The following PTPRJ variants were observed in gnomAD, a reference collection of about 807,000 sequenced individuals.
PTPRJ encodes receptor-type tyrosine-protein phosphatase eta.
In PTPRJ, 129 loss-of-function variants were observed where a neutral mutation model predicts 141.3. That is an observed-to-expected ratio of 0.91 (90% CI 0.79 to 1.06). PTPRJ has a LOEUF of 1.06. Among genes scored for constraint, PTPRJ ranks in the 50% least tolerant of loss-of-function variants. PTPRJ has a pLI of 0.00. For missense variants in PTPRJ, 1,601 were observed against 1,679.7 expected, an observed-to-expected ratio of 0.95 and a Z score of 0.82; for synonymous variants, 610 against 640.5, an observed-to-expected ratio of 0.95 and a Z score of 0.72.
At position 47,980,694 on chromosome 11, in the gene PTPRJ, C is replaced by A. The variant is rs1266322766; in HGVS notation, c.-219C>A. The A allele has an allele frequency of 7.1e-6, 7 of 991,716 alleles. No homozygotes were observed. Among genetic ancestry groups the A allele is most frequent in the South Asian group, 4.7e-5 (1 of 21,406 alleles). 61.4% of individuals were successfully genotyped at this position (991,716 alleles called of 1,614,324 possible). ...TGCGCGCTCAGGGACGCGGCCCCCCCGCGGCAGCCGCGCTAGGCTCCGGCG... is the reference window on the plus strand; with the variant it reads ...TGCGCGCTCAGGGACGCGGCCCCCCAGCGGCAGCCGCGCTAGGCTCCGGCG... On this transcript the variant is annotated 5_prime_UTR_variant, in exon 1 of 25. Transcript: ENST00000418331.
At chr11:48,115,892 G>A (rs969546517) in intron 3 of PTPRJ, among the ~76,000 whole-genome samples, 3 of 151,982 alleles carry the variant, frequency 2.0e-5, no homozygotes, top group Non-Finnish European at 4.4e-5. Flanking sequence ...CTTTTTATAA[G>A]CCTCATGGTA....
At position 48,169,482 on chromosome 11, in the gene PTPRJ, A is replaced by G. The variant is rs1858004633; in HGVS notation, c.*2120A>G. ...GGGCGGATTCCTCCCACACCTTCAC[A>G]CTGGCCTGCCTCCAACTCATACAGA... On this transcript the variant is annotated 3_prime_UTR_variant, in exon 25 of 25. Transcript: ENST00000418331. 2 of 151,402 alleles carry G rather than the reference A, an allele frequency of 1.3e-5. No homozygotes were observed. The highest frequency in any genetic ancestry group is 4.2e-4 in the South Asian group (2 of 4,762). The allele number at this position is 151,402 out of a possible 1,614,324, so 9.4% of individuals were successfully genotyped here.
intron 1 of PTPRJ, among the ~76,000 whole-genome samples, chr11:48,076,273 C>T (rs1855399105): frequency 6.6e-6 from 1 of 152,178 alleles, no homozygotes; most frequent in Non-Finnish European, 1.5e-5. Flanking sequence ...TGGTGTCTTA[C>T]CTCTTCTGTT....
At chr11:48,066,259 G>T (rs144714773) in intron 1 of PTPRJ, among the ~76,000 whole-genome samples, 27 of 152,352 alleles carry the variant, frequency 1.8e-4, no homozygotes, top group Admixed American at 1.7e-3. Flanking sequence ...CCAGTGCTCT[G>T]AGATAGACTG....
intron 1 of PTPRJ, among the ~76,000 whole-genome samples, chr11:48,029,555 T>C (rs2134222884): frequency 6.6e-6 from 1 of 152,330 alleles, no homozygotes; most frequent in African/African-American, 2.4e-5. Context: ...ACTTAACTCA[T>C]ATTATTGTTA....
intron 1 of PTPRJ, among the ~76,000 whole-genome samples, chr11:48,033,006 C>T (rs1327393212): frequency 6.6e-6 from 1 of 151,740 alleles, no homozygotes; most frequent in Non-Finnish European, 1.5e-5. Context: ...TCACTTGAGC[C>T]CAGAAGTTCA....
intron 1 of PTPRJ, among the ~76,000 whole-genome samples, chr11:48,061,929 T>C (rs1854941654): frequency 6.7e-6 from 1 of 150,214 alleles, no homozygotes; most frequent in Admixed American, 6.6e-5. Context: ...TTTTTTTTTT[T>C]CTTTTGAGTC....
chr11:47,987,149 C>G (rs915838471), intron 1 of PTPRJ, among the ~76,000 whole-genome samples: 1 of 151,970 alleles, frequency 6.6e-6, no homozygotes, highest in East Asian at 1.9e-4. Context: ...GTTGAAGCTG[C>G]GGTGAACCTT....
chr11:48,067,491 G>A (rs1855117837), intron 1 of PTPRJ, among the ~76,000 whole-genome samples: 1 of 152,136 alleles, frequency 6.6e-6, no homozygotes, highest in Non-Finnish European at 1.5e-5. Flanking sequence ...GGCAGGGAAG[G>A]GCCCTCTGAC....
At chr11:47,999,252 C>T (rs1446687706) in intron 1 of PTPRJ, among the ~76,000 whole-genome samples, 2 of 152,224 alleles carry the variant, frequency 1.3e-5, no homozygotes, top group African/African-American at 4.8e-5. Flanking sequence ...TGTTTATTTG[C>T]TGTCTTTGGC....
chr11:48,057,398 A>G (rs186475748), intron 1 of PTPRJ, among the ~76,000 whole-genome samples: 94 of 152,330 alleles, frequency 6.2e-4, no homozygotes, highest in African/African-American at 2.2e-3. Flanking sequence ...AGTGTAAAGA[A>G]GGTGGAGATG....
rs368643460 is a variant in PTPRJ at position 48,156,077 on chromosome 11, A to G, written c.3396A>G (p.Val1132=). The part of the protein sequence containing the change: ...DFWRMVWEKN[V]YAIIMLTKCV... ...GGCGTATGGTTTGGGAGAAAAATGT[A>G]TATGCCATCATTATGTTGACTAAAT... Residue 1132 remains valine, a synonymous_variant, in exon 21 of 25, where the codon GTA becomes GTG. Transcript: ENST00000418331. 43 of 1,598,664 alleles carry G rather than the reference A, an allele frequency of 2.7e-5. No individual in the cohort carries two copies. Among genetic ancestry groups the G allele is most frequent in the African/African-American group, 9.4e-5 (7 of 74,544 alleles).
chr11:48,122,003 G>A (rs969852572), intron 4 of PTPRJ, among the ~76,000 whole-genome samples: 1 of 152,120 alleles, frequency 6.6e-6, no homozygotes, highest in African/African-American at 2.4e-5. Context: ...GAGGTCCAGC[G>A]TGGAGCAGCA....
At chr11:48,102,182 C>A (rs1280776406) in intron 1 of PTPRJ, among the ~76,000 whole-genome samples, 1 of 152,154 alleles carries the variant, frequency 6.6e-6, no homozygotes, top group East Asian at 1.9e-4. Flanking sequence ...TTCGCATGCT[C>A]ATGTTTGATA....
At chr11:48,134,569 C>T (rs1406403839) in intron 8 of PTPRJ, among the ~76,000 whole-genome samples, 11 of 152,140 alleles carry the variant, frequency 7.2e-5, no homozygotes, top group East Asian at 1.9e-4. Context: ...GTAGATAGTA[C>T]GTAAACATGG....
At chr11:48,146,153 G>A (rs1434470157) in intron 14 of PTPRJ, among the ~76,000 whole-genome samples, 1 of 152,194 alleles carries the variant, frequency 6.6e-6, no homozygotes, top group African/African-American at 2.4e-5. Context: ...TTGGAAGTGA[G>A]ACTTTTAAGG....
chr11:48,110,185 G>T, intron 2 of PTPRJ, 109 bp downstream of exon 2: 4 of 1,233,078 alleles, frequency 3.2e-6, no homozygotes, highest in African/African-American at 1.5e-5. Context: ...AACCTGCTCG[G>T]TTTCCAATTT....
intron 1 of PTPRJ, among the ~76,000 whole-genome samples, chr11:48,071,015 T>G (rs2134272633): frequency 6.6e-6 from 1 of 152,302 alleles, no homozygotes; most frequent in East Asian, 1.9e-4. Context: ...GTCACATAAT[T>G]GTACAAATTG....
intron 1 of PTPRJ, among the ~76,000 whole-genome samples, chr11:47,988,298 A>G (rs1272427859): frequency 1.3e-5 from 2 of 152,316 alleles, no homozygotes; most frequent in East Asian, 1.9e-4. Flanking sequence ...CATATTTACA[A>G]TATTGTATCC....
Sources: allele counts gnomAD v4.1 joint callset (sites outside exome capture counted in the v4.1 genomes callset), GRCh38; gene constraint gnomAD v4.1.1; transcripts MANE v1.5; gene names NCBI Gene and HGNC (gene_info 2026-07-23, HGNC 2026-07-21).